GCSH: variants seen among roughly 807,000 people sequenced by gnomAD.
The protein encoded by GCSH is glycine cleavage system protein H.
A neutral mutation model predicts 21.3 loss-of-function variants in GCSH; 15 were observed. The ratio of observed to expected loss-of-function variants is 0.70; its 90% CI spans 0.47 to 1.08. The LOEUF (loss-of-function observed/expected upper bound fraction) is 1.08. Among genes scored for constraint, GCSH ranks in the 50% least tolerant of loss-of-function variants. The probability of loss-of-function intolerance (pLI) is 0.00; values close to 1 mark genes in which losing one functional copy is unlikely to be tolerated. For synonymous variants in GCSH, 59 were observed against 84.5 expected (o/e 0.70, Z 1.66); for missense variants, 179 against 217.5 (o/e 0.82, Z 1.11).
In GCSH at chr16:81,087,675, C is replaced by T; in HGVS notation, c.229-11G>A. ...ATCTCCCAACGCTTCCTAAATAAAA[C>T]AAGACAAAACCAAAAATCTCTAAGA... is the stretch of plus-strand genomic sequence containing the variant. On this transcript the variant is annotated splice_polypyrimidine_tract_variant and intron_variant, in intron 2 of 4. Transcript: ENST00000315467. The T allele has an allele frequency of 6.2e-7, 1 of 1,601,072 alleles. No homozygotes were observed. Among genetic ancestry groups the T allele is most frequent in the Non-Finnish European group, 8.6e-7 (1 of 1,168,822 alleles).
chr16:81,087,319 A>G (rs1046762998), intron 3 of GCSH, among the ~76,000 whole-genome samples: 5 of 152,126 alleles, frequency 3.3e-5, no homozygotes, highest in African/African-American at 4.8e-5. Context: ...CGAGGTCAGG[A>G]GTTCGAGACC....
intron 3 of GCSH, 82 bp from the exon 4 acceptor site, chr16:81,084,676 C>G (rs1251508653): frequency 1.0e-6 from 1 of 999,472 alleles, no homozygotes; most frequent in Non-Finnish European, 1.5e-6. Flanking sequence ...AAGTAGATTC[C>G]TGTCATACAG....
intron 1 of GCSH, 106 bp downstream of exon 1, chr16:81,096,025 C>T: frequency 1.0e-6 from 1 of 978,462 alleles, no homozygotes; most frequent in East Asian, 3.4e-5. Flanking sequence ...TCGCTCCGCC[C>T]CGGTGGCTCA....
At chr16:81,092,260 C>G (rs968089148) in intron 1 of GCSH, among the ~76,000 whole-genome samples, 5 of 152,066 alleles carry the variant, frequency 3.3e-5, no homozygotes, top group Non-Finnish European at 7.3e-5. Flanking sequence ...TATCCCCCAG[C>G]ACACACACGG....
Position 81,086,282 on chromosome 16 carries a change from C to A in GCSH, c.292+1319G>T, listed in dbSNP as rs1022799634. ...GAACGGCGGCTCATGCTTGTAATCCCAACACTTTGGGAAGCCAAGGCGGGT... is the reference window on the plus strand; with the variant it reads ...GAACGGCGGCTCATGCTTGTAATCCAAACACTTTGGGAAGCCAAGGCGGGT... On this transcript the variant is annotated intron_variant, in intron 3 of 4. Transcript: ENST00000315467. Among the ~76,000 whole-genome samples the A allele has an allele frequency of 1.6e-4, 24 of 150,436 alleles. 2 individuals carry two copies. Among genetic ancestry groups the A allele is most frequent in the African/African-American group, 5.6e-4 (23 of 40,780 alleles).
intron 2 of GCSH, among the ~76,000 whole-genome samples, chr16:81,089,636 T>C (rs1156498591): frequency 6.6e-6 from 1 of 151,408 alleles, no homozygotes; most frequent in African/African-American, 2.5e-5. Context: ...AGCTCCATCA[T>C]TAAGTGACAC....
rs200332491 is a variant in GCSH at position 81,082,981 on chromosome 16, C to T, written c.425-18G>A. ...CAGCCAACCTGCAACCAAAAGACAA[C>T]CTTATATTCCACATTAACTTTTTAA... On this transcript the variant is annotated intron_variant, in intron 4 of 4. Transcript: ENST00000315467. 12 of 1,423,868 alleles carry T rather than the reference C, an allele frequency of 8.4e-6. No individual in the cohort carries two copies. In the African/African-American group the frequency reaches 1.3e-4, roughly 15 times the overall value. The allele number at this position is 1,423,868 out of a possible 1,614,324, so 88.2% of individuals were successfully genotyped here. A position where few individuals can be genotyped will look rare whatever the true frequency, so the allele number is the denominator to read the frequency against.
At chr16:81,093,099 G>A (rs1972429248) in intron 1 of GCSH, among the ~76,000 whole-genome samples, 1 of 150,956 alleles carries the variant, frequency 6.6e-6, no homozygotes, top group Admixed American at 6.6e-5. Flanking sequence ...ACCATTGCCT[G>A]GGCGACTAGC....
intron 1 of GCSH, among the ~76,000 whole-genome samples, chr16:81,094,436 C>G (rs1972459706): frequency 6.7e-6 from 1 of 150,190 alleles, no homozygotes. Flanking sequence ...ACCCGGGAAG[C>G]GAAGGTTGCA....
intron 4 of GCSH, chr16:81,084,245 CT>C (rs1412968513): frequency 6.5e-6 from 4 of 614,772 alleles, no homozygotes; most frequent in African/African-American, 3.7e-5. Flanking sequence ...TCCCAAAGTG[CT>C]GGGATCACAG....
intron 1 of GCSH, among the ~76,000 whole-genome samples, chr16:81,093,695 G>A (rs1412026473): frequency 1.3e-5 from 2 of 151,912 alleles, no homozygotes; most frequent in African/African-American, 4.8e-5. Context: ...CAAAAAATTG[G>A]CCGGGTATGG....
At position 81,082,482 on chromosome 16, in the gene GCSH, G is replaced by A. The variant is rs1972186641; in HGVS notation, c.*384C>T. The A allele has an allele frequency of 2.6e-6, 1 of 383,176 alleles. No homozygotes were observed. Among genetic ancestry groups the A allele is most frequent in the Non-Finnish European group, 5.1e-6 (1 of 197,374 alleles). 23.7% of individuals were successfully genotyped at this position (383,176 alleles called of 1,614,324 possible). On this transcript the variant is annotated 3_prime_UTR_variant, in exon 5 of 5. Coordinates refer to ENST00000315467, the MANE Select transcript of GCSH (RefSeq NM_004483.5). The stretch of plus-strand genomic sequence containing the variant: ...CTCTTCACTTCCAGTTATTTCCAAT[G>A]GAAAGATCATTAAGTATTTCATCCC...
rs112404826 is a variant in GCSH at position 81,093,579 on chromosome 16, G to A, written c.148+2552C>T. Among the ~76,000 whole-genome samples the A allele has an allele frequency of 3.3e-5, 5 of 152,098 alleles. No homozygotes were observed. In the East Asian group the frequency reaches 5.9e-4, roughly 18 times the overall value. The stretch of plus-strand genomic sequence containing the variant: ...GTCCTGGCCAACAGCAGTGGCTCTC[G>A]CCTGTAATCCCAGCACTTTGGGAGG... On this transcript the variant is annotated intron_variant, in intron 1 of 4. Transcript: ENST00000315467.
chr16:81,085,590 C>T (rs1242384213), intron 3 of GCSH, among the ~76,000 whole-genome samples: 1 of 152,294 alleles, frequency 6.6e-6, no homozygotes, highest in East Asian at 1.9e-4. Context: ...AGCTCTGGGC[C>T]AGGCGTGGTG....
At chr16:81,089,022 T>A (rs1029979044) in intron 2 of GCSH, among the ~76,000 whole-genome samples, 1 of 152,184 alleles carries the variant, frequency 6.6e-6, no homozygotes, top group African/African-American at 2.4e-5. Context: ...TATCCAACAC[T>A]GGGCCTCATA....
At position 81,082,368 on chromosome 16, in the gene GCSH, C is replaced by T. The variant is rs1338025693; in HGVS notation, c.*498G>A. 2.4e-6 allele frequency: 1 copy of T among 418,264 alleles called. No individual in the cohort carries two copies. The highest frequency in any genetic ancestry group is 2.1e-5 in the African/African-American group (1 of 48,080). 25.9% of individuals were successfully genotyped at this position (418,264 alleles called of 1,614,324 possible). ...TTATTTTGCTGCAAAGCTGTTGCTT[C>T]ACTGTATAAAAATAGCACCAGCAAA... On this transcript the variant is annotated 3_prime_UTR_variant, in exon 5 of 5. Coordinates refer to ENST00000315467, the MANE Select transcript of GCSH (RefSeq NM_004483.5).
At chr16:81,095,059 C>T (rs1022606757) in intron 1 of GCSH, among the ~76,000 whole-genome samples, 1 of 151,086 alleles carries the variant, frequency 6.6e-6, no homozygotes, top group East Asian at 2.0e-4. Context: ...CGCCGCTGCA[C>T]TCCAGCCTGG....
chr16:81,090,378 G>C (rs1217924990), intron 2 of GCSH, among the ~76,000 whole-genome samples: 1 of 151,984 alleles, frequency 6.6e-6, no homozygotes, highest in Admixed American at 6.6e-5. Context: ...AACCATGCCA[G>C]GCTAATTTTT....
At chr16:81,092,558 T>C (rs980427658) in intron 1 of GCSH, among the ~76,000 whole-genome samples, 1 of 151,086 alleles carries the variant, frequency 6.6e-6, no homozygotes, top group African/African-American at 2.4e-5. Flanking sequence ...CTGGCCAGCA[T>C]AGTGAAACCA....
Sources: allele counts gnomAD v4.1 joint callset (sites outside exome capture counted in the v4.1 genomes callset), GRCh38; gene constraint gnomAD v4.1.1; transcripts MANE v1.5; gene names NCBI Gene and HGNC (gene_info 2026-07-23, HGNC 2026-07-21).